CBFA2T3: variants seen among roughly 807,000 people sequenced by gnomAD.
CBFA2T3 encodes the protein CBFA2/RUNX1 partner transcriptional co-repressor 3.
Under a neutral mutation model 58.6 loss-of-function variants are expected in CBFA2T3, and 31 were observed. The ratio of observed to expected loss-of-function variants is 0.53; its 90% CI spans 0.40 to 0.71. CBFA2T3 has a LOEUF of 0.71. Ranked by LOEUF, CBFA2T3 falls within the 30% of genes least tolerant of loss-of-function variation. CBFA2T3 has a pLI of 0.00. For missense variants in CBFA2T3, 1,076 were observed against 963.1 expected (o/e 1.12, Z -1.55); for synonymous variants, 531 against 421.9 (o/e 1.26, Z -3.17).
intron 1 of CBFA2T3, among the ~76,000 whole-genome samples, chr16:88,907,275 G>A (rs143208484): frequency 3.9e-5 from 6 of 152,222 alleles, no homozygotes; most frequent in Admixed American, 1.3e-4. Flanking sequence ...GGGTCCCTGG[G>A]GCACCTGCTG....
chr16:88,901,554 G>A lies in CBFA2T3; in HGVS notation c.254C>T (p.Pro85Leu). 2 of 1,470,330 alleles carry A rather than the reference G, an allele frequency of 1.4e-6. No homozygotes were observed. The highest frequency in any genetic ancestry group is 1.5e-5 in the African/African-American group (1 of 67,284). The allele number at this position is 1,470,330 out of a possible 1,614,324, so 91.1% of individuals were successfully genotyped here. ...GCGTGTGGCCCCCTGGGATGCGGCA[G>A]GCGGTGGGGGCGGCATGCTGGGGGG... is the stretch of plus-strand genomic sequence containing the variant. ...STPPSMPPPP[P>L]AASQGATRPP... Residue 85 changes from proline (P) to leucine (L), a missense_variant, in exon 2 of 12, where the codon CCT becomes CTT. Coordinates refer to ENST00000268679, the MANE Select transcript of CBFA2T3 (RefSeq NM_005187.6).
rs908275124 is a variant in CBFA2T3 at position 88,976,897 on chromosome 16, A to G, written c.-90T>C. The G allele has an allele frequency of 6.9e-7, 1 of 1,454,244 alleles. No individual in the cohort carries two copies. Among genetic ancestry groups the G allele is most frequent in the African/African-American group, 1.4e-5 (1 of 70,786 alleles). 90.1% of individuals were successfully genotyped at this position (1,454,244 alleles called of 1,614,324 possible). On this transcript the variant is annotated 5_prime_UTR_variant, in exon 1 of 12. Coordinates refer to ENST00000268679, the MANE Select transcript of CBFA2T3 (RefSeq NM_005187.6). ...CCGACCTCCTGCAGCCTTGAGGGAAAGAGGAGGGGCTGGGCCAGCTGGGGC... is the reference window on the plus strand; with the variant it reads ...CCGACCTCCTGCAGCCTTGAGGGAAGGAGGAGGGGCTGGGCCAGCTGGGGC...
At chr16:88,903,365 C>A (rs1302777247) in intron 1 of CBFA2T3, among the ~76,000 whole-genome samples, 2 of 152,190 alleles carry the variant, frequency 1.3e-5, no homozygotes, top group Admixed American at 1.3e-4. Flanking sequence ...AGGAGTGGAG[C>A]AGTCCCCCTC....
intron 1 of CBFA2T3, among the ~76,000 whole-genome samples, chr16:88,934,808 C>T (rs1001369226): frequency 1.3e-5 from 2 of 152,276 alleles, no homozygotes; most frequent in African/African-American, 2.4e-5. Flanking sequence ...GGCGCGATCT[C>T]GGCTCACTGC....
intron 1 of CBFA2T3, among the ~76,000 whole-genome samples, chr16:88,960,030 A>T (rs1308505634): frequency 6.6e-6 from 1 of 152,168 alleles, no homozygotes; most frequent in Admixed American, 6.5e-5. Flanking sequence ...TTTTCCAAAA[A>T]ATAATAATAA....
intron 1 of CBFA2T3, among the ~76,000 whole-genome samples, chr16:88,917,571 T>C (rs1444262211): frequency 6.6e-6 from 1 of 152,088 alleles, no homozygotes; most frequent in Non-Finnish European, 1.5e-5. Context: ...TCGTCGCTGT[T>C]TAAAAAAATG....
intron 1 of CBFA2T3, among the ~76,000 whole-genome samples, chr16:88,943,533 G>A (rs895991125): frequency 6.6e-6 from 1 of 152,214 alleles, no homozygotes; most frequent in Non-Finnish European, 1.5e-5. Flanking sequence ...TGGTAGAGAA[G>A]AAAGGGATAT....
intron 1 of CBFA2T3, among the ~76,000 whole-genome samples, chr16:88,961,059 G>A (rs1166240910): frequency 6.6e-6 from 1 of 152,240 alleles, no homozygotes; most frequent in African/African-American, 2.4e-5. Context: ...TGTGAGACCT[G>A]TCTGAGGTCT....
intron 1 of CBFA2T3, chr16:88,940,965 G>C: frequency 1.1e-6 from 1 of 874,510 alleles, no homozygotes; most frequent in Non-Finnish European, 1.4e-6. Flanking sequence ...AACGGCAGCC[G>C]CGGGCGGAGT....
chr16:88,889,938 C>T (rs545132231), intron 5 of CBFA2T3, among the ~76,000 whole-genome samples: 2 of 146,902 alleles, frequency 1.4e-5, no homozygotes, highest in Admixed American at 6.8e-5. Flanking sequence ...CCTCCAGGGA[C>T]GACGCCGTGC....
rs537026041 is a variant in CBFA2T3 at position 88,885,854 on chromosome 16, G to A, written c.893+107C>T. The A allele has an allele frequency of 6.1e-5, 62 of 1,008,966 alleles. No homozygotes were observed. Among genetic ancestry groups the A allele is most frequent in the East Asian group, 5.8e-4 (22 of 38,020 alleles). The allele number at this position is 1,008,966 out of a possible 1,614,324, so 62.5% of individuals were successfully genotyped here. A position where few individuals can be genotyped will look rare whatever the true frequency, so the allele number is the denominator to read the frequency against. On this transcript the variant is annotated intron_variant, in intron 6 of 11. Coordinates refer to ENST00000268679, the MANE Select transcript of CBFA2T3 (RefSeq NM_005187.6). The surrounding 1 kb of genome is among the most constrained non-coding windows in gnomAD (Gnocchi z 5.3). ...CTCCCTCAGCCCGAGAGAGCCGGCC[G>A]GGCTGGCTGCAGCCCCAGAGGAGGT...
intron 1 of CBFA2T3, among the ~76,000 whole-genome samples, chr16:88,964,108 T>A (rs924378239): frequency 6.6e-5 from 10 of 152,220 alleles, no homozygotes; most frequent in African/African-American, 2.4e-4. Context: ...CCTGGGCCGA[T>A]CGGCTTAAAG....
chr16:88,971,656 G>A (rs1432279760), intron 1 of CBFA2T3, among the ~76,000 whole-genome samples: 2 of 152,248 alleles, frequency 1.3e-5, no homozygotes, highest in Non-Finnish European at 2.9e-5. Context: ...CAGTCGACCT[G>A]AGTGACCCAG....
intron 5 of CBFA2T3, among the ~76,000 whole-genome samples, chr16:88,889,333 G>A (rs1204811359): frequency 1.5e-5 from 2 of 134,056 alleles, no homozygotes; most frequent in Non-Finnish European, 3.2e-5. Flanking sequence ...GAGGAAAGGA[G>A]GGGGTGGTGG....
Position 88,879,269 on chromosome 16 carries a change from C to T in CBFA2T3, c.1662+1G>A, listed in dbSNP as rs1567571976. On this transcript the variant is annotated splice_donor_variant, in intron 11 of 11. Transcript: ENST00000268679. LOFTEE classifies it high-confidence loss of function. The stretch of plus-strand genomic sequence containing the variant: ...GTGTCAGCGTGGCCGGGTGGCCCTA[C>T]CTCGCTGGAGTCCTCCTGCTGGTTG... The T allele has an allele frequency of 6.3e-7, 1 of 1,586,878 alleles. No individual in the cohort carries two copies. Among genetic ancestry groups the T allele is most frequent in the Non-Finnish European group, 8.6e-7 (1 of 1,164,338 alleles).
At chr16:88,903,662 G>GGC (rs2142652159) in intron 1 of CBFA2T3, among the ~76,000 whole-genome samples, 1 of 124,208 alleles carries the variant, frequency 8.1e-6, no homozygotes, top group African/African-American at 3.3e-5. Context: ...TCCCGGCTGG[G>GGC]GGGGGGGGCG....
chr16:88,967,198 CG>C, intron 1 of CBFA2T3, among the ~76,000 whole-genome samples: 1 of 113,048 alleles, frequency 8.8e-6, no homozygotes, highest in Non-Finnish European at 1.9e-5. Flanking sequence ...GGCCCCGACA[CG>C]AGGCAGCGCC....
chr16:88,929,972 C>G (rs1050107005), intron 1 of CBFA2T3, among the ~76,000 whole-genome samples: 6 of 147,846 alleles, frequency 4.1e-5, no homozygotes, highest in Admixed American at 3.3e-4. Context: ...CTACCAATAC[C>G]CAGAGCCGCA....
chr16:88,972,077 C>G (rs1413018077), intron 1 of CBFA2T3, among the ~76,000 whole-genome samples: 1 of 152,236 alleles, frequency 6.6e-6, no homozygotes, highest in East Asian at 1.9e-4. Context: ...TTCCTAGGTG[C>G]TGATTCAAGG....
Sources: gnomAD v4.1 joint callset for allele counts (sites outside exome capture counted in the v4.1 genomes callset) on GRCh38, gnomAD v4.1.1 for gene constraint, Gnocchi (gnomAD v3.1) non-coding constraint, MANE v1.5 for transcripts, NCBI Gene and HGNC (gene_info 2026-07-23, HGNC 2026-07-21) for gene names.